Variants in CSMD3 observed in about 807,000 individuals in gnomAD.
CSMD3 encodes the protein CUB and Sushi multiple domains 3, also known as CUB and sushi domain-containing protein 3.
A neutral mutation model predicts 435.2 loss-of-function variants in CSMD3; 177 were observed. That is an observed-to-expected ratio of 0.41 (90% confidence interval 0.36 to 0.46). The LOEUF (loss-of-function observed/expected upper bound fraction) is 0.46. CSMD3 is among the 20% of genes least tolerant of loss of function. The probability of loss-of-function intolerance (pLI) is 0.34; values close to 1 mark genes in which losing one functional copy is unlikely to be tolerated. For missense variants in CSMD3, 4,265 were observed against 4,504.6 expected, an observed-to-expected ratio of 0.95 and a Z score of 1.52; for synonymous variants, 1,656 against 1,520.5, an observed-to-expected ratio of 1.09 and a Z score of -2.07.
intron 35 of CSMD3, among the ~76,000 whole-genome samples, chr8:112,404,644 C>G (rs1347164837): frequency 6.6e-6 from 1 of 151,642 alleles, no homozygotes; most frequent in Non-Finnish European, 1.5e-5. Context: ...ATTTTTTATT[C>G]TAATGACCTA....
At chr8:113,192,818 T>A (rs889383328) in intron 3 of CSMD3, among the ~76,000 whole-genome samples, 2 of 149,534 alleles carry the variant, frequency 1.3e-5, no homozygotes, top group African/African-American at 5.1e-5. Context: ...TTCTTTCAAA[T>A]TTTTCGATTC....
rs185695547 is a variant in CSMD3 at position 113,073,713 on chromosome 8, T to G, written c.917+25043A>C. ...GTGACCTCTCACAATTCTTTTTTTT[T>G]TCAGTAAAAATATAGAAAATTTTAA... is the stretch of plus-strand genomic sequence containing the variant. On this transcript the variant is annotated intron_variant, in intron 5 of 70. Transcript: ENST00000297405. Among the ~76,000 whole-genome samples the G allele has an allele frequency of 7.2e-4, 110 of 151,928 alleles. 1 individual carries two copies. Among genetic ancestry groups the G allele is most frequent in the African/African-American group, 2.5e-3 (104 of 41,526 alleles).
chr8:112,367,061 T>C (rs926252718), intron 38 of CSMD3, among the ~76,000 whole-genome samples: 4 of 152,134 alleles, frequency 2.6e-5, no homozygotes, highest in Admixed American at 6.6e-5. Context: ...GTCTGTAACT[T>C]AGAAAAACTG....
chr8:112,862,335 GA>G (rs747660040), intron 10 of CSMD3, among the ~76,000 whole-genome samples: 1 of 151,980 alleles, frequency 6.6e-6, no homozygotes, highest in African/African-American at 2.4e-5. Flanking sequence ...TTAGTCTGAA[GA>G]TTTTTTTGCA....
At chr8:113,071,284 G>A (rs1279976670) in intron 5 of CSMD3, among the ~76,000 whole-genome samples, 2 of 151,980 alleles carry the variant, frequency 1.3e-5, no homozygotes, top group Non-Finnish European at 2.9e-5. Flanking sequence ...GCAGCAGGGA[G>A]TTTCATTTTA....
intron 18 of CSMD3, 93 bp from the exon 19 acceptor site, chr8:112,650,442 T>A: frequency 9.8e-7 from 1 of 1,024,636 alleles, no homozygotes; most frequent in Middle Eastern, 2.5e-4. Context: ...TTACAAGCAA[T>A]GATTTTTACA....
chr8:112,865,837 A>G (rs1301307908), intron 10 of CSMD3, among the ~76,000 whole-genome samples: 2 of 152,130 alleles, frequency 1.3e-5, no homozygotes, highest in Non-Finnish European at 2.9e-5. Flanking sequence ...TGCCTGCCAC[A>G]TGGAAGACAC....
intron 22 of CSMD3, among the ~76,000 whole-genome samples, chr8:112,615,830 T>G (rs1228608669): frequency 6.6e-6 from 1 of 152,130 alleles, no homozygotes; most frequent in African/African-American, 2.4e-5. Flanking sequence ...TTACAGAAAT[T>G]CCATCTGCAC....
chr8:112,757,096 G>A (rs1042052594), intron 13 of CSMD3, among the ~76,000 whole-genome samples: 1 of 151,532 alleles, frequency 6.6e-6, no homozygotes, highest in African/African-American at 2.4e-5. Context: ...GTTACTTTTT[G>A]GAAATATATT....
chr8:112,266,551 C>A (rs964415679), intron 59 of CSMD3, among the ~76,000 whole-genome samples: 1 of 152,152 alleles, frequency 6.6e-6, no homozygotes, highest in African/African-American at 2.4e-5. Context: ...ATGGCTATCA[C>A]AGAGCATTAA....
At chr8:112,481,177 G>T (rs767842849) in intron 31 of CSMD3, among the ~76,000 whole-genome samples, 2 of 152,128 alleles carry the variant, frequency 1.3e-5, no homozygotes, top group African/African-American at 2.4e-5. Context: ...GTGGGATGAA[G>T]GAGCAAGACA....
chr8:112,406,989 A>G (rs1162703719), intron 34 of CSMD3, among the ~76,000 whole-genome samples: 2 of 151,892 alleles, frequency 1.3e-5, no homozygotes, highest in African/African-American at 2.4e-5. Context: ...GTTTTACCGA[A>G]CTCATTAATA....
At chr8:112,774,519 A>G (rs2078199842) in intron 13 of CSMD3, among the ~76,000 whole-genome samples, 1 of 151,998 alleles carries the variant, frequency 6.6e-6, no homozygotes, top group Non-Finnish European at 1.5e-5. Flanking sequence ...CACTGAGTCG[A>G]AATCTACTTT....
At chr8:113,066,713 ACT>A (rs980364558) in intron 5 of CSMD3, among the ~76,000 whole-genome samples, 1 of 151,986 alleles carries the variant, frequency 6.6e-6, no homozygotes, top group African/African-American at 2.4e-5. Flanking sequence ...CTCATTTATG[ACT>A]CTAATTTACA....
chr8:113,126,737 G>C (rs1400011767), intron 4 of CSMD3, among the ~76,000 whole-genome samples: 4 of 151,682 alleles, frequency 2.6e-5, no homozygotes, highest in Non-Finnish European at 5.9e-5. Context: ...TATTGTTATT[G>C]ACTGTTCAAT....
intron 2 of CSMD3, among the ~76,000 whole-genome samples, chr8:113,280,208 T>C (rs1026222476): frequency 2.6e-5 from 4 of 151,936 alleles, no homozygotes; most frequent in Non-Finnish European, 4.4e-5. Flanking sequence ...GTTCCTTCTT[T>C]CTCTGTCTTG....
At chr8:112,761,403 T>C (rs2077834058) in intron 13 of CSMD3, among the ~76,000 whole-genome samples, 1 of 152,134 alleles carries the variant, frequency 6.6e-6, no homozygotes, top group Non-Finnish European at 1.5e-5. Flanking sequence ...TTCTTTTAGC[T>C]CCTTTTCATT....
At chr8:113,382,240 G>A (rs2094419185) in intron 1 of CSMD3, among the ~76,000 whole-genome samples, 1 of 152,110 alleles carries the variant, frequency 6.6e-6, no homozygotes, top group Non-Finnish European at 1.5e-5. Flanking sequence ...GAATAATTAA[G>A]ACAATGTTAA....
At chr8:112,844,584 A>G (rs2080266362) in intron 11 of CSMD3, among the ~76,000 whole-genome samples, 1 of 152,122 alleles carries the variant, frequency 6.6e-6, no homozygotes, top group East Asian at 1.9e-4. Flanking sequence ...CCTGCTTCCT[A>G]GAAGGGTTAG....
Sources: gnomAD v4.1 joint callset for allele counts (sites outside exome capture counted in the v4.1 genomes callset) on GRCh38, gnomAD v4.1.1 for gene constraint, MANE v1.5 for transcripts, NCBI Gene and HGNC (gene_info 2026-07-23, HGNC 2026-07-21) for gene names.